ACCS: variants seen among roughly 807,000 people sequenced by gnomAD.
ACCS encodes 1-aminocyclopropane-1-carboxylate synthase homolog (inactive).
In ACCS, 42 loss-of-function variants were observed where a neutral mutation model predicts 59.8. That is an observed-to-expected ratio of 0.70 (90% CI 0.55 to 0.91). The LOEUF (loss-of-function observed/expected upper bound fraction) is 0.91, where lower values mean the gene tolerates loss of function less well. Ranked by LOEUF, ACCS falls within the 40% of genes least tolerant of loss-of-function variation. The probability of loss-of-function intolerance (pLI) is 0.00; values close to 1 mark genes in which losing one functional copy is unlikely to be tolerated. For synonymous variants in ACCS, 230 were observed against 240.3 expected (o/e 0.96, Z 0.40); for missense variants, 602 against 630.4 (o/e 0.95, Z 0.48).
chr11:44,081,809 C>T (rs774393211), intron 12 of ACCS, among the ~76,000 whole-genome samples: 5 of 152,110 alleles, frequency 3.3e-5, no homozygotes, highest in African/African-American at 7.2e-5. Context: ...CACTCCAGCT[C>T]GGGTGACAGA....
intron 9 of ACCS, 116 bp from the exon 10 acceptor site, chr11:44,079,415 G>A (rs144614714): frequency 9.3e-6 from 7 of 749,202 alleles, no homozygotes; most frequent in African/African-American, 7.1e-5. Flanking sequence ...AACAAGTTTG[G>A]TAACCCCGGG....
At chr11:44,075,422 C>T in intron 5 of ACCS, 104 bp from the exon 6 acceptor site, 1 of 1,263,598 alleles carries the variant, frequency 7.9e-7, no homozygotes, top group South Asian at 1.3e-5. Context: ...CAGGTGGCAC[C>T]AAGGCAGGGC....
chr11:44,079,112 A>G (rs1953517292), intron 9 of ACCS: 3 of 396,250 alleles, frequency 7.6e-6, no homozygotes, highest in Non-Finnish European at 1.4e-5. Context: ...AATCCTCACA[A>G]CAACCCTCAT....
In ACCS at chr11:44,067,515, C is replaced by T; in HGVS notation, c.1-113C>T. ...ACACAGGAAGTGATGAGTGCATAAA[C>T]CTAAAGGAAGGGGCAGATAAGAGAA... On this transcript the variant is annotated intron_variant, in intron 1 of 14. Transcript: ENST00000263776. 5 of 1,154,376 alleles carry T rather than the reference C, an allele frequency of 4.3e-6. No homozygotes were observed. The South Asian group carries it at 7.5e-5, about 17-fold the overall frequency. 71.5% of individuals were successfully genotyped at this position (1,154,376 alleles called of 1,614,324 possible).
intron 8 of ACCS, 158 bp from the exon 9 acceptor site, chr11:44,078,526 G>T: frequency 1.7e-6 from 1 of 584,572 alleles, no homozygotes; most frequent in Non-Finnish European, 3.1e-6. Context: ...TGATGCTGCA[G>T]ATGTAATTCT....
chr11:44,075,230 C>T (rs892972896), intron 5 of ACCS, among the ~76,000 whole-genome samples: 1 of 152,180 alleles, frequency 6.6e-6, no homozygotes, highest in Non-Finnish European at 1.5e-5. Context: ...CTTCTCCCTC[C>T]TCGATGTTTA....
chr11:44,073,625 G>T (rs765509777), intron 4 of ACCS, 108 bp downstream of exon 4: 4 of 1,116,322 alleles, frequency 3.6e-6, no homozygotes, highest in South Asian at 1.5e-5. Flanking sequence ...GGCATTTAGT[G>T]TGTAGAGGTC....
Position 44,067,708 on chromosome 11 carries a change from C to T in ACCS, c.81C>T (p.Ser27=), listed in dbSNP as rs1952856868. 1 of 1,614,202 alleles carries T rather than the reference C, an allele frequency of 6.2e-7. No individual in the cohort carries two copies. Among genetic ancestry groups the T allele is most frequent in the Non-Finnish European group, 8.5e-7 (1 of 1,180,044 alleles). ...GPTCMQDLGS[S]HGEDLEGECS... ...CCTGCATGCAGGACCTGGGCAGTAG[C>T]CATGGGGAAGATCTGGAAGGAGAAT... The change falls in exon 2 of 15, where the codon AGC becomes AGT. Residue 27 remains serine, a synonymous_variant. Coordinates refer to ENST00000263776, the MANE Select transcript of ACCS (RefSeq NM_032592.4).
chr11:44,066,630 G>T lies in ACCS; in HGVS notation c.-72G>T, dbSNP rs1414610563. The T allele has an allele frequency of 6.6e-6, 1 of 152,402 alleles. No homozygotes were observed. The highest frequency in any genetic ancestry group is 6.5e-5 in the Admixed American group (1 of 15,292). The allele number at this position is 152,402 out of a possible 1,614,324, so 9.4% of individuals were successfully genotyped here. ...GAACCCCGCCGCCCCCCTACCCCAG[G>T]CTTTACTCCCACCCCGGCTTCCGCC... On this transcript the variant is annotated 5_prime_UTR_variant, in exon 1 of 15. Coordinates refer to ENST00000263776, the MANE Select transcript of ACCS (RefSeq NM_032592.4).
At chr11:44,074,760 C>CTT (rs1366580914) in intron 5 of ACCS, 79 bp downstream of exon 5, 1 of 519,740 alleles carries the variant, frequency 1.9e-6, no homozygotes, top group Non-Finnish European at 2.9e-6. Flanking sequence ...TTCTTTCTTT[C>CTT]TTTCTTTCTT....
intron 8 of ACCS, chr11:44,078,296 G>A: frequency 3.1e-6 from 1 of 323,154 alleles, no homozygotes; most frequent in Non-Finnish European, 5.6e-6. Flanking sequence ...GGGGAGCTGA[G>A]GACTCCCAAA....
chr11:44,079,611 G>A lies in ACCS; in HGVS notation c.914G>A (p.Ser305Asn), dbSNP rs762966822. 6.2e-7 allele frequency: 1 copy of A among 1,608,932 alleles called. No homozygotes were observed. The highest frequency in any genetic ancestry group is 8.5e-7 in the Non-Finnish European group (1 of 1,177,808). The change falls in exon 10 of 15, where the codon AGC becomes AAC. Residue 305 changes from serine (S) to asparagine (N), a missense_variant. Physicochemically the swap from Ser to Asn is conservative, Grantham distance 46 (BLOSUM62 1). Coordinates refer to ENST00000263776, the MANE Select transcript of ACCS (RefSeq NM_032592.4). Reference protein sequence around the residue: ...EKSVGYRSVLSLERLPDPQRT... With the variant: ...EKSVGYRSVLNLERLPDPQRT... ...TCTGTTGGGTACCGCAGTGTCCTAAGCCTGGAAAGGTGAGGCTCCCTGACA... is the reference window on the plus strand; with the variant it reads ...TCTGTTGGGTACCGCAGTGTCCTAAACCTGGAAAGGTGAGGCTCCCTGACA...
At chr11:44,068,842 A>G (rs1419202846) in intron 2 of ACCS, among the ~76,000 whole-genome samples, 3 of 152,258 alleles carry the variant, frequency 2.0e-5, no homozygotes, top group African/African-American at 7.2e-5. Flanking sequence ...AGCATCTACC[A>G]TGTAGATGTG....
At chr11:44,073,226 C>A in intron 3 of ACCS, 3 of 565,908 alleles carry the variant, frequency 5.3e-6, no homozygotes, top group Admixed American at 2.9e-5. Flanking sequence ...GTTTTTGTCT[C>A]AGCTCTGCCA....
At chr11:44,079,123 A>G (rs547982159) in intron 9 of ACCS, 68 of 381,932 alleles carry the variant, frequency 1.8e-4, no homozygotes, top group African/African-American at 1.3e-3. Context: ...CAACCCTCAT[A>G]CAATCCTTAC....
intron 8 of ACCS, 86 bp downstream of exon 8, chr11:44,078,008 C>T (rs1012731461): frequency 1.0e-5 from 15 of 1,485,192 alleles, no homozygotes; most frequent in Admixed American, 8.9e-5. Context: ...GATCTCCTCC[C>T]GGGAGTAGGG....
In ACCS at chr11:44,067,818, C is replaced by T. The variant is rs865883341; in HGVS notation, c.191C>T (p.Ser64Phe). Residue 64 changes from serine to phenylalanine, a missense_variant, in exon 2 of 15, where the codon TCC (serine) becomes TTC (phenylalanine). Transcript: ENST00000263776. The stretch of plus-strand genomic sequence containing the variant: ...ATCTCCTCTGATACCTCCTACCTGT[C>T]CTCTAGAGGAAGAATGATTAAATGG... ...AMISSDTSYLSSRGRMIKWFW... is the reference protein window; with the variant it reads ...AMISSDTSYLFSRGRMIKWFW... 15 of 1,614,082 alleles carry T rather than the reference C, an allele frequency of 9.3e-6. No homozygotes were observed. The Middle Eastern group carries it at 2.0e-3, about 213-fold the overall frequency.
chr11:44,077,715 A>T (rs1953440490), intron 7 of ACCS, 130 bp from the exon 8 acceptor site: 14 of 1,467,170 alleles, frequency 9.5e-6, no homozygotes, highest in Non-Finnish European at 1.3e-5. Flanking sequence ...GAGGGACCCC[A>T]CCTGCTTTTC....
Position 44,078,979 on chromosome 11 carries a change from T to C in ACCS, c.833+195T>C. 3.5e-6 allele frequency: 2 copies of C among 577,468 alleles called. 1 individual carries two copies. The highest frequency in any genetic ancestry group is 4.2e-5 in the South Asian group (2 of 47,220). The allele number at this position is 577,468 out of a possible 1,614,324, so 35.8% of individuals were successfully genotyped here. A position where few individuals can be genotyped will look rare whatever the true frequency, so the allele number is the denominator to read the frequency against. ...CTTTATCTTTCACTCTTTATAACAA[T>C]AGCTATCAATTAGCGCACACTCTAG... On this transcript the variant is annotated intron_variant, in intron 9 of 14. Coordinates refer to ENST00000263776, the MANE Select transcript of ACCS (RefSeq NM_032592.4).
Sources: gnomAD v4.1 joint callset for allele counts (sites outside exome capture counted in the v4.1 genomes callset) on GRCh38, gnomAD v4.1.1 for gene constraint, MANE v1.5 for transcripts, NCBI Gene and HGNC (gene_info 2026-07-23, HGNC 2026-07-21) for gene names.